The following NAALADL2 variants were observed in gnomAD, a reference collection of about 807,000 sequenced individuals.
NAALADL2 encodes the protein inactive N-acetylated-alpha-linked acidic dipeptidase-like protein 2.
Under a neutral mutation model 87.2 loss-of-function variants are expected in NAALADL2, and 76 were observed. That is an observed-to-expected ratio of 0.87 (90% CI 0.72 to 1.05). NAALADL2 has a LOEUF of 1.05. Ranked by LOEUF, NAALADL2 falls within the 50% of genes least tolerant of loss-of-function variation. The pLI is 0.00. For missense variants in NAALADL2, 1,089 were observed against 945.8 expected (o/e 1.15, Z -1.99); for synonymous variants, 354 against 331.0 (o/e 1.07, Z -0.75).
chr3:174,723,734 T>A (rs1731920119), intron 2 of NAALADL2, among the ~76,000 whole-genome samples: 1 of 109,360 alleles, frequency 9.1e-6, no homozygotes, highest in Non-Finnish European at 1.7e-5. Context: ...CCAGCCTGGG[T>A]GACAGAGCAA....
chr3:174,444,722 G>A (rs1394233187), intron 1 of NAALADL2, among the ~76,000 whole-genome samples: 4 of 152,156 alleles, frequency 2.6e-5, no homozygotes, highest in African/African-American at 9.7e-5. Flanking sequence ...TAAGTACCAA[G>A]TGTGATCAAA....
At chr3:175,105,642 GAC>G (rs57274941) in intron 2 of NAALADL2, among the ~76,000 whole-genome samples, 39,150 of 143,994 alleles carry the variant, frequency 0.27, 5,553 homozygotes, top group Non-Finnish European at 0.33. Context: ...AATACACACA[GAC>G]ACACACACAC....
In NAALADL2 at chr3:175,489,440, C is replaced by T. The variant is rs78635126; in HGVS notation, c.1653+17682C>T. On this transcript the variant is annotated intron_variant, in intron 9 of 13. Coordinates refer to ENST00000454872, the MANE Select transcript of NAALADL2 (RefSeq NM_207015.3). ...ATATTAGAAAGGGGAGGAAATGCCA[C>T]GGCAAACAAATAAGGCAGATGTTTC... Among the ~76,000 whole-genome samples the T allele has an allele frequency of 2.0e-3, 300 of 152,182 alleles. 1 individual carries two copies. The highest frequency in any genetic ancestry group is 6.9e-3 in the African/African-American group (288 of 41,500).
intron 5 of NAALADL2, among the ~76,000 whole-genome samples, chr3:175,344,773 AT>A (rs1459894626): frequency 6.6e-6 from 1 of 152,106 alleles, no homozygotes. Flanking sequence ...TTTCATATTA[AT>A]TTTTTATCAT....
intron 1 of NAALADL2, among the ~76,000 whole-genome samples, chr3:174,935,816 C>G (rs1298198798): frequency 1.3e-5 from 2 of 152,046 alleles, no homozygotes; most frequent in Non-Finnish European, 2.9e-5. Flanking sequence ...ATCATTTCTT[C>G]TAACATATAT....
chr3:175,264,273 C>T (rs1751562497), intron 4 of NAALADL2, among the ~76,000 whole-genome samples: 1 of 151,480 alleles, frequency 6.6e-6, no homozygotes, highest in South Asian at 2.1e-4. Flanking sequence ...ACATTGATGA[C>T]AAAAATACTC....
chr3:174,639,370 G>A (rs1007157709), intron 2 of NAALADL2, among the ~76,000 whole-genome samples: 1 of 152,222 alleles, frequency 6.6e-6, no homozygotes, highest in Admixed American at 6.5e-5. Flanking sequence ...ACCCAGGGGT[G>A]TATGGGAGCT....
intron 1 of NAALADL2, among the ~76,000 whole-genome samples, chr3:175,080,054 C>T (rs2109228986): frequency 6.6e-6 from 1 of 152,052 alleles, no homozygotes; most frequent in African/African-American, 2.4e-5. Context: ...CAAGCTCCGC[C>T]TCCCGGGTTC....
At chr3:174,776,700 A>T (rs915118549) in intron 3 of NAALADL2, among the ~76,000 whole-genome samples, 1 of 152,174 alleles carries the variant, frequency 6.6e-6, no homozygotes, top group African/African-American at 2.4e-5. Context: ...CTTATTGAAG[A>T]TAGAAGATAT....
intron 3 of NAALADL2, among the ~76,000 whole-genome samples, chr3:175,244,178 GT>G (rs1747530464): frequency 1.3e-5 from 2 of 152,066 alleles, no homozygotes; most frequent in African/African-American, 4.8e-5. Flanking sequence ...TCTTATAATA[GT>G]TTTATTCCTA....
chr3:175,557,069 A>G (rs763376355), intron 9 of NAALADL2, among the ~76,000 whole-genome samples: 2 of 152,240 alleles, frequency 1.3e-5, no homozygotes, highest in African/African-American at 4.8e-5. Flanking sequence ...ATAAGTGTGT[A>G]TGAATACATC....
At chr3:175,087,442 C>T (rs1043803310) in intron 1 of NAALADL2, among the ~76,000 whole-genome samples, 7 of 152,074 alleles carry the variant, frequency 4.6e-5, no homozygotes, top group East Asian at 3.9e-4. Flanking sequence ...GCCATGATGA[C>T]GATGGCGGTT....
chr3:175,698,403 G>GTATTTATGTGTATA lies in NAALADL2; in HGVS notation c.1897-38894_1897-38893insGTATATATTTATGT, dbSNP rs1553953515. Among the ~76,000 whole-genome samples the GTATTTATGTGTATA allele has an allele frequency of 5.0e-4, 37 of 74,220 alleles. 6 individuals carry two copies. Among genetic ancestry groups the GTATTTATGTGTATA allele is most frequent in the Middle Eastern group, 0.01 (1 of 98 alleles). 48.7% of individuals were successfully genotyped at this position (74,220 alleles called of 152,430 possible). A position where few individuals can be genotyped will look rare whatever the true frequency, so the allele number is the denominator to read the frequency against. The stretch of plus-strand genomic sequence containing the variant: ...TTTATGTATGTATACATATGTATGT[G>GTATTTATGTGTATA]TATTTATGTATGTATACATATGTAT... On this transcript the variant is annotated intron_variant, in intron 11 of 13. Coordinates refer to ENST00000454872, the MANE Select transcript of NAALADL2 (RefSeq NM_207015.3).
intron 11 of NAALADL2, among the ~76,000 whole-genome samples, chr3:175,701,184 G>A (rs1738943165): frequency 6.6e-6 from 1 of 152,138 alleles, no homozygotes; most frequent in Non-Finnish European, 1.5e-5. Context: ...AGGCTGTAGG[G>A]TTGGGGAAGC....
intron 2 of NAALADL2, among the ~76,000 whole-genome samples, chr3:174,553,528 T>G (rs1449064398): frequency 6.6e-6 from 1 of 152,204 alleles, no homozygotes; most frequent in African/African-American, 2.4e-5. Flanking sequence ...ATGCTTAATG[T>G]AAATGCATGT....
chr3:174,442,573 T>A (rs2108256051), intron 1 of NAALADL2, among the ~76,000 whole-genome samples: 1 of 152,196 alleles, frequency 6.6e-6, no homozygotes, highest in African/African-American at 2.4e-5. Context: ...ACATAAAGCA[T>A]TATTATATTT....
At chr3:175,223,133 G>GTGTGTGTGTGT (rs1743642888) in intron 2 of NAALADL2, among the ~76,000 whole-genome samples, 1 of 111,210 alleles carries the variant, frequency 9.0e-6, no homozygotes, top group Non-Finnish European at 1.9e-5. Context: ...TGTGTGTGTG[G>GTGTGTGTGTGT]TAAGGACACT....
At chr3:175,214,792 A>C (rs1303199459) in intron 2 of NAALADL2, among the ~76,000 whole-genome samples, 1 of 152,190 alleles carries the variant, frequency 6.6e-6, no homozygotes, top group African/African-American at 2.4e-5. Context: ...TTTCATGTTC[A>C]CATATTCCTT....
intron 4 of NAALADL2, among the ~76,000 whole-genome samples, chr3:175,278,974 A>C (rs986840034): frequency 2.6e-5 from 4 of 152,198 alleles, no homozygotes; most frequent in African/African-American, 9.7e-5. Flanking sequence ...TATTTGGTGT[A>C]ATAGGTCTAC....
Sources: allele counts gnomAD v4.1 joint callset (sites outside exome capture counted in the v4.1 genomes callset), GRCh38; gene constraint gnomAD v4.1.1; transcripts MANE v1.5; gene names NCBI Gene and HGNC (gene_info 2026-07-23, HGNC 2026-07-21).